Variants in C1QTNF12 observed in about 807,000 individuals in gnomAD.
C1QTNF12 encodes the protein C1q and TNF related 12, also known as adipolin.
Under a neutral mutation model 34.3 loss-of-function variants are expected in C1QTNF12, and 39 were observed. That is an observed-to-expected ratio of 1.14 (90% CI 0.88 to 1.49). C1QTNF12 has a LOEUF of 1.49. Ranked by LOEUF, C1QTNF12 falls within the 40% of genes most tolerant of loss-of-function variation. The pLI is 0.00. For missense variants in C1QTNF12, 497 were observed against 424.7 expected (o/e 1.17, Z -1.50); for synonymous variants, 220 against 196.9 (o/e 1.12, Z -0.98).
At chr1:1,242,732 G>A (rs1279189251) in intron 7 of C1QTNF12, 86 bp from the exon 8 acceptor site, 1 of 1,551,874 alleles carries the variant, frequency 6.4e-7, no homozygotes, top group Non-Finnish European at 8.8e-7. Context: ...TGCGCTAGGA[G>A]GTGCCGAGGC....
intron 3 of C1QTNF12, 36 bp from the exon 4 acceptor site, chr1:1,244,141 A>G (rs762010898): frequency 1.3e-6 from 2 of 1,559,810 alleles, no homozygotes; most frequent in Non-Finnish European, 1.7e-6. Context: ...CAGCAGGGTC[A>G]GCACAGGGCC....
Position 1,246,499 on chromosome 1 carries a change from G to A in C1QTNF12, c.177+15C>T, listed in dbSNP as rs902403536. Reference sequence around the variant, plus strand: ...AGCTGCCCCGCGAGGGCCCACGTGCGTCCCGGCCGCGTACCTTGGGGGCCT... The same window carrying A: ...AGCTGCCCCGCGAGGGCCCACGTGCATCCCGGCCGCGTACCTTGGGGGCCT... On this transcript the variant is annotated intron_variant, in intron 1 of 7. Transcript: ENST00000330388. The surrounding 1 kb of genome is among the most constrained non-coding windows in gnomAD (Gnocchi z 4.5). The A allele has an allele frequency of 2.4e-6, 3 of 1,231,298 alleles. No individual in the cohort carries two copies. Among genetic ancestry groups the A allele is most frequent in the African/African-American group, 3.1e-5 (2 of 64,326 alleles). 76.3% of individuals were successfully genotyped at this position (1,231,298 alleles called of 1,614,324 possible).
chr1:1,246,412 G>A lies in C1QTNF12; in HGVS notation c.177+102C>T, dbSNP rs1361749089. ...GCCGAGGCCTCGAAAAGGGCGACCC[G>A]GAGGCAGAGCCGGCAGGGACAGAGC... On this transcript the variant is annotated intron_variant, in intron 1 of 7. Transcript: ENST00000330388. This position sits in a 1 kb window ranked among gnomAD's most constrained non-coding sequence, Gnocchi z 4.5. 3 of 1,042,204 alleles carry A rather than the reference G, an allele frequency of 2.9e-6. No homozygotes were observed. The highest frequency in any genetic ancestry group is 6.6e-5 in the East Asian group (2 of 30,402). The allele number at this position is 1,042,204 out of a possible 1,614,324, so 64.6% of individuals were successfully genotyped here.
rs1406648622 is a variant in C1QTNF12, at chr1:1,243,642, C to T, written c.532-90G>A. ...GGGAAGGTGCCTGCAACCGACAGCC[C>T]CTCACTCGGAGCAGCTCTCCCGGGA... On this transcript the variant is annotated intron_variant, in intron 4 of 7. Coordinates refer to ENST00000330388, the MANE Select transcript of C1QTNF12 (RefSeq NM_001014980.3). 5.4e-6 allele frequency: 6 copies of T among 1,115,540 alleles called. No homozygotes were observed. The African/African-American group carries it at 6.4e-5, about 12-fold the overall frequency. The allele number at this position is 1,115,540 out of a possible 1,614,324, so 69.1% of individuals were successfully genotyped here. A position where few individuals can be genotyped will look rare whatever the true frequency, so the allele number is the denominator to read the frequency against.
chr1:1,243,378 C>G, intron 5 of C1QTNF12, 66 bp downstream of exon 5: 2 of 1,441,810 alleles, frequency 1.4e-6, no homozygotes, highest in Non-Finnish European at 1.9e-6. Flanking sequence ...CCGGCGATGC[C>G]AGGCGCCCCC....
At chr1:1,246,753 G>A (rs1419958343), upstream of C1QTNF12, 49 of 1,172,114 alleles carry the variant, frequency 4.2e-5, no homozygotes, top group Non-Finnish European at 5.1e-5. This position sits in a 1 kb window ranked among gnomAD's most constrained non-coding sequence, Gnocchi z 4.5. Flanking sequence ...CATGGGGACG[G>A]CCGGCGCTCA....
chr1:1,242,806 C>T, intron 7 of C1QTNF12, 29 bp downstream of exon 7: 1 of 1,610,398 alleles, frequency 6.2e-7, no homozygotes, highest in Non-Finnish European at 8.5e-7. Flanking sequence ...GCACCCGAGC[C>T]CTCCCGCTCA....
rs759099471 is a variant in C1QTNF12 at position 1,243,157 on chromosome 1, G to A, written c.641-5C>T. ...TGCCCTGCAGCTCACTGTGGTCTGC[G>A]GAGAGAGCCCTGGGGAGGGTGGTGC... On this transcript the variant is annotated splice_polypyrimidine_tract_variant and splice_region_variant and intron_variant, in intron 5 of 7. Transcript: ENST00000330388. 2.5e-5 allele frequency: 39 copies of A among 1,549,556 alleles called. No individual in the cohort carries two copies. The highest frequency in any genetic ancestry group is 2.4e-4 in the East Asian group (10 of 41,586).
In C1QTNF12 at chr1:1,246,525, C is replaced by T. The variant is rs1638895329; in HGVS notation, c.166G>A (p.Glu56Lys). 112 of 1,233,282 alleles carry T rather than the reference C, an allele frequency of 9.1e-5. No individual in the cohort carries two copies. Among genetic ancestry groups the T allele is most frequent in the Non-Finnish European group, 1.1e-4 (112 of 988,486 alleles). The allele number at this position is 1,233,282 out of a possible 1,614,324, so 76.4% of individuals were successfully genotyped here. ...ASASSREGLP[E>K]APKPSQASGP... Reference sequence around the variant, plus strand: ...TCCCGGCCGCGTACCTTGGGGGCCTCGGGCAGCCCCTCGCGGGAGGACGCG... The same window carrying T: ...TCCCGGCCGCGTACCTTGGGGGCCTTGGGCAGCCCCTCGCGGGAGGACGCG... The change falls in exon 1 of 8, where the codon GAG (glutamate) becomes AAG (lysine). Residue 56 changes from glutamate to lysine, a missense_variant. Physicochemically the swap from Glu to Lys is moderately conservative, Grantham distance 56. Transcript: ENST00000330388. The surrounding 1 kb of genome is among the most constrained non-coding windows in gnomAD (Gnocchi z 4.5).
At chr1:1,243,019 G>T (rs1390002718) in intron 6 of C1QTNF12, 43 bp downstream of exon 6, 1 of 1,555,404 alleles carries the variant, frequency 6.4e-7, no homozygotes, top group Non-Finnish European at 8.7e-7. Flanking sequence ...CTCCAAGGGT[G>T]GTCCGGGGGC....
chr1:1,244,626 G>A (rs1387374676), intron 1 of C1QTNF12, 129 bp from the exon 2 acceptor site: 13 of 718,804 alleles, frequency 1.8e-5, no homozygotes, highest in Admixed American at 4.5e-5. Flanking sequence ...ACCCACGGCC[G>A]CCCTTGGGGG....
In C1QTNF12 at chr1:1,246,575, G is replaced by A; in HGVS notation, c.116C>T (p.Ala39Val). The A allele has an allele frequency of 8.0e-7, 1 of 1,246,284 alleles. No homozygotes were observed. Among genetic ancestry groups the A allele is most frequent in the Non-Finnish European group, 1.0e-6 (1 of 995,472 alleles). The allele number at this position is 1,246,284 out of a possible 1,614,324, so 77.2% of individuals were successfully genotyped here. A position where few individuals can be genotyped will look rare whatever the true frequency, so the allele number is the denominator to read the frequency against. ...AQRTQQPGQR[A>V]DPPNATASAS... ...GCTGGCGGTGGCGTTGGGGGGATCT[G>A]CGCGCTGGCCAGGCTGCTGCGTCCT... Residue 39 changes from alanine to valine, a missense_variant, in exon 1 of 8, where the codon GCA becomes GTA. Physicochemically the swap from Ala to Val is moderately conservative, Grantham distance 64. Coordinates refer to ENST00000330388, the MANE Select transcript of C1QTNF12 (RefSeq NM_001014980.3). This position sits in a 1 kb window ranked among gnomAD's most constrained non-coding sequence, Gnocchi z 4.5.
chr1:1,243,319 GC>G (rs1194204877), intron 5 of C1QTNF12, 124 bp downstream of exon 5: 4 of 1,055,286 alleles, frequency 3.8e-6, no homozygotes, highest in Non-Finnish European at 4.1e-6. Context: ...CCAGTCCAAG[GC>G]CCCCCATGGG....
At chr1:1,245,648 G>A (rs376089878) in intron 1 of C1QTNF12, among the ~76,000 whole-genome samples, 5 of 152,058 alleles carry the variant, frequency 3.3e-5, no homozygotes, top group Non-Finnish European at 7.4e-5. Context: ...TGGCCCTAGC[G>A]CCGGGAACCA....
At position 1,246,049 on chromosome 1, in the gene C1QTNF12, G is replaced by A. The variant is rs576548096; in HGVS notation, c.177+465C>T. Among the ~76,000 whole-genome samples, 2 of 152,114 alleles carry A rather than the reference G, an allele frequency of 1.3e-5. No homozygotes were observed. The highest frequency in any genetic ancestry group is 4.8e-5 in the African/African-American group (2 of 41,504). ...GCAAGAGGGGGTGCTAGCTACACAG[G>A]ACCCCCAGAAAGCACAAGGGACAGG... On this transcript the variant is annotated intron_variant, in intron 1 of 7. Transcript: ENST00000330388. This position sits in a 1 kb window ranked among gnomAD's most constrained non-coding sequence, Gnocchi z 4.5.
intron 6 of C1QTNF12, 37 bp from the exon 7 acceptor site, chr1:1,242,950 C>A (rs759535031): frequency 1.4e-5 from 22 of 1,600,858 alleles, no homozygotes; most frequent in Non-Finnish European, 1.8e-5. Context: ...GGAGGCGTTG[C>A]AGGTCCAGGG....
In C1QTNF12 at chr1:1,242,834, C is replaced by CCTGCAG; in HGVS notation, c.805_810dup (p.Leu269_Gln270dup). ...CCCGCTCACACCCGGCCCGGACTCA[C>CCTGCAG]CTGCAGCTGCAGCAGCCCCTGCACC... On this transcript the variant is annotated inframe_insertion and splice_region_variant. Coordinates refer to ENST00000330388, the MANE Select transcript of C1QTNF12 (RefSeq NM_001014980.3). 6.2e-7 allele frequency: 1 copy of CCTGCAG among 1,612,228 alleles called. No homozygotes were observed. Among genetic ancestry groups the CCTGCAG allele is most frequent in the Non-Finnish European group, 8.5e-7 (1 of 1,179,626 alleles).
rs191889486 is a variant in C1QTNF12 at position 1,246,416 on chromosome 1, G to A, written c.177+98C>T. 629 of 1,058,972 alleles carry A rather than the reference G, an allele frequency of 5.9e-4. 5 individuals carry two copies. In the African/African-American group the frequency reaches 9.5e-3, roughly 16 times the overall value. 65.6% of individuals were successfully genotyped at this position (1,058,972 alleles called of 1,614,324 possible). A position where few individuals can be genotyped will look rare whatever the true frequency, so the allele number is the denominator to read the frequency against. ...AGGCCTCGAAAAGGGCGACCCGGAG[G>A]CAGAGCCGGCAGGGACAGAGCCTGC... On this transcript the variant is annotated intron_variant, in intron 1 of 7. Transcript: ENST00000330388. This position sits in a 1 kb window ranked among gnomAD's most constrained non-coding sequence, Gnocchi z 4.5.
At chr1:1,244,132 A>T (rs1450291024) in intron 3 of C1QTNF12, 27 bp from the exon 4 acceptor site, 2 of 1,562,970 alleles carry the variant, frequency 1.3e-6, no homozygotes, top group African/African-American at 2.7e-5. Context: ...ACAGGCGGCC[A>T]GCAGGGTCAG....
Sources: gnomAD v4.1 joint callset for allele counts (sites outside exome capture counted in the v4.1 genomes callset) on GRCh38, gnomAD v4.1.1 for gene constraint, Gnocchi (gnomAD v3.1) non-coding constraint, MANE v1.5 for transcripts, NCBI Gene and HGNC (gene_info 2026-07-23, HGNC 2026-07-21) for gene names.